Variants in BLTP1 observed in about 807,000 individuals in gnomAD.
BLTP1 encodes fragile site-associated protein.
the BLTP1 span, among the ~76,000 whole-genome samples, chr4:122,302,752 A>G: frequency 6.6e-6 from 1 of 152,228 alleles, no homozygotes; most frequent in Admixed American, 6.5e-5. Context: ...ATGATAAGAA[A>G]GCCAAACAGC....
the BLTP1 span, chr4:122,264,498 A>G: frequency 2.9e-6 from 4 of 1,375,510 alleles, no homozygotes; most frequent in African/African-American, 2.9e-5. Flanking sequence ...GGAACCTCCA[A>G]TAGTACGCAC....
At chr4:122,214,333 A>G in the BLTP1 span, 3 of 922,142 alleles carry the variant, frequency 3.3e-6, no homozygotes, top group East Asian at 1.2e-4. Flanking sequence ...GTAGTTTATC[A>G]TTCATAAATT....
At chr4:122,189,452 A>T in the BLTP1 span, 1 of 975,886 alleles carries the variant, frequency 1.0e-6, no homozygotes, top group Non-Finnish European at 1.2e-6. Context: ...CAAGTTGATT[A>T]AATATTCATG....
At chr4:122,264,532 C>A in the BLTP1 span, 1 of 963,824 alleles carries the variant, frequency 1.0e-6, no homozygotes, top group Non-Finnish European at 1.4e-6. Context: ...TGAGGCTATA[C>A]CTTACCTATC....
At chr4:122,309,067 G>A in the BLTP1 span, 29 of 263,792 alleles carry the variant, frequency 1.1e-4, no homozygotes, top group Non-Finnish European at 1.5e-4. Context: ...TGTATGTTAA[G>A]TAAGAAAAAA....
At chr4:122,183,817 T>C in the BLTP1 span, among the ~76,000 whole-genome samples, 2 of 152,248 alleles carry the variant, frequency 1.3e-5, no homozygotes, top group African/African-American at 4.8e-5. Flanking sequence ...TTCTCTACTT[T>C]CCAACCTCAC....
At chr4:122,339,417 A>C in the BLTP1 span, 3 of 1,601,124 alleles carry the variant, frequency 1.9e-6, no homozygotes, top group Non-Finnish European at 2.6e-6. Flanking sequence ...AGGTATAGAT[A>C]ATGTTCTTTT....
chr4:122,279,512 A>G, the BLTP1 span, among the ~76,000 whole-genome samples: 1 of 152,078 alleles, frequency 6.6e-6, no homozygotes, highest in Non-Finnish European at 1.5e-5. Flanking sequence ...TGTTGTTTTG[A>G]TGGGGGCTCT....
chr4:122,249,542 C>T, the BLTP1 span: 2 of 1,613,572 alleles, frequency 1.2e-6, no homozygotes, highest in Admixed American at 1.7e-5. Flanking sequence ...GTTTTATTTA[C>T]TCTTGAAGAG....
the BLTP1 span, chr4:122,198,151 G>A: frequency 2.0e-6 from 2 of 983,260 alleles, no homozygotes; most frequent in Non-Finnish European, 2.4e-6. Context: ...GTAGCATTCA[G>A]GCCTGCCTGC....
the BLTP1 span, chr4:122,239,852 T>C: frequency 1.2e-6 from 2 of 1,614,124 alleles, no homozygotes. Flanking sequence ...CAATGGCTGA[T>C]AGTGAAGCCT....
the BLTP1 span, chr4:122,205,785 TACACACAC>T: frequency 1.7e-4 from 25 of 147,414 alleles, no homozygotes; most frequent in Non-Finnish European, 2.4e-4. Context: ...CTCTGTCACA[TACACACAC>T]ACACACACAC....
At chr4:122,326,112 A>G in the BLTP1 span, among the ~76,000 whole-genome samples, 1 of 151,650 alleles carries the variant, frequency 6.6e-6, no homozygotes, top group Non-Finnish European at 1.5e-5. Context: ...GTAGTTTAAT[A>G]CTATTAAAGA....
At chr4:122,198,131 A>T in the BLTP1 span, 6 of 985,190 alleles carry the variant, frequency 6.1e-6, no homozygotes, top group South Asian at 2.8e-4. Flanking sequence ...TCATTAGTTT[A>T]TGTAAAGTGG....
chr4:122,188,883 A>T, the BLTP1 span: 1 of 896,642 alleles, frequency 1.1e-6, no homozygotes, highest in South Asian at 5.1e-5. Flanking sequence ...TTTAGTTGTA[A>T]CTCTTGGCTG....
chr4:122,293,109 C>G, the BLTP1 span: 3 of 954,892 alleles, frequency 3.1e-6, no homozygotes, highest in Non-Finnish European at 3.7e-6. Context: ...ATAGCTTAAT[C>G]AAGTATAGAG....
At chr4:122,253,502 A>G in the BLTP1 span, among the ~76,000 whole-genome samples, 2 of 152,118 alleles carry the variant, frequency 1.3e-5, no homozygotes, top group Non-Finnish European at 1.5e-5. Flanking sequence ...AATCCAAGTG[A>G]CATAGTGAAG....
At chr4:122,274,380 T>G in the BLTP1 span, 1 of 1,598,692 alleles carries the variant, frequency 6.3e-7, no homozygotes, top group Non-Finnish European at 8.5e-7. Context: ...CTTGTGCTAC[T>G]GCTCATATTG....
the BLTP1 span, chr4:122,270,410 G>C: frequency 9.5e-6 from 9 of 944,404 alleles, no homozygotes; most frequent in Admixed American, 6.2e-5. Flanking sequence ...ATAGAAATTT[G>C]AGATATTTTT....
Sources: allele counts gnomAD v4.1 joint callset (sites outside exome capture counted in the v4.1 genomes callset), GRCh38; gene constraint gnomAD v4.1.1; transcripts MANE v1.5; gene names NCBI Gene and HGNC (gene_info 2026-07-23, HGNC 2026-07-21).